The following MLLT10 variants were observed in gnomAD, a reference collection of about 807,000 sequenced individuals.
MLLT10 encodes MLLT10 histone lysine methyltransferase DOT1L cofactor.
Under a neutral mutation model 129.1 loss-of-function variants are expected in MLLT10, and 30 were observed. The observed-to-expected ratio is 0.23, with a 90% CI of 0.17 to 0.32. MLLT10 has a LOEUF of 0.32. Among genes scored for constraint, MLLT10 ranks in the 10% least tolerant of loss-of-function variants. MLLT10 has a pLI of 1.00. For synonymous variants in MLLT10, 490 were observed against 446.4 expected, an observed-to-expected ratio of 1.10 and a Z score of -1.23; for missense variants, 1,119 against 1,268.3, an observed-to-expected ratio of 0.88 and a Z score of 1.79.
chr10:21,708,725 A>G (rs1485207130), intron 13 of MLLT10: 1 of 985,198 alleles, frequency 1.0e-6, no homozygotes, highest in Non-Finnish European at 1.2e-6. Flanking sequence ...AATCACCACG[A>G]TTTTGCTTCT....
At chr10:21,708,788 T>G (rs1364057290) in intron 13 of MLLT10, 1 of 962,616 alleles carries the variant, frequency 1.0e-6, no homozygotes, top group Admixed American at 6.2e-5. Flanking sequence ...TAATTGCAAC[T>G]TTCAAAGTGT....
chr10:21,595,874 G>A (rs764692795), intron 5 of MLLT10, among the ~76,000 whole-genome samples: 5 of 151,518 alleles, frequency 3.3e-5, no homozygotes, highest in Non-Finnish European at 4.4e-5. Flanking sequence ...AAAGTTATTT[G>A]TACCCCAAGA....
At chr10:21,574,093 A>G (rs2040489063) in intron 3 of MLLT10, among the ~76,000 whole-genome samples, 1 of 152,204 alleles carries the variant, frequency 6.6e-6, no homozygotes, top group Non-Finnish European at 1.5e-5. Context: ...GAAGGAACTT[A>G]TCAGTGAAAA....
At chr10:21,612,286 TA>T in intron 5 of MLLT10, 61 bp from the exon 6 acceptor site, 1 of 1,001,202 alleles carries the variant, frequency 1.0e-6, no homozygotes. Flanking sequence ...AAGATAATTG[TA>T]AAATTCTGAT....
intron 3 of MLLT10, among the ~76,000 whole-genome samples, chr10:21,577,971 C>T (rs1368685735): frequency 2.0e-5 from 3 of 152,056 alleles, no homozygotes; most frequent in East Asian, 1.9e-4. Flanking sequence ...TCTTGGCTCA[C>T]GGCAACCTCT....
chr10:21,658,266 C>T (rs1209216758), intron 9 of MLLT10, among the ~76,000 whole-genome samples: 1 of 152,168 alleles, frequency 6.6e-6, no homozygotes, highest in African/African-American at 2.4e-5. Flanking sequence ...TCTCCTTCTC[C>T]CTGAGTTCAC....
At chr10:21,698,314 T>C (rs1402494379) in intron 13 of MLLT10, among the ~76,000 whole-genome samples, 2 of 152,198 alleles carry the variant, frequency 1.3e-5, no homozygotes, top group Non-Finnish European at 2.9e-5. Flanking sequence ...GTTGAGCACA[T>C]GTGGTATTTG....
At chr10:21,534,082 A>C (rs2130868318), upstream of MLLT10, 1 of 203,616 alleles carries the variant, frequency 4.9e-6, no homozygotes, top group Non-Finnish European at 9.7e-6. Context: ...CCTCGCGCCC[A>C]CCCCCAGCAC....
intron 9 of MLLT10, among the ~76,000 whole-genome samples, chr10:21,668,166 A>G (rs917458156): frequency 6.6e-6 from 1 of 152,150 alleles, no homozygotes; most frequent in African/African-American, 2.4e-5. Flanking sequence ...ATTATTATAT[A>G]CAAGAATTAC....
chr10:21,608,520 T>A (rs1442436802), intron 5 of MLLT10, among the ~76,000 whole-genome samples: 1 of 152,126 alleles, frequency 6.6e-6, no homozygotes, highest in African/African-American at 2.4e-5. Flanking sequence ...TTCATCTTAT[T>A]TTGAGTTTGT....
At chr10:21,681,561 C>T (rs753634081) in intron 12 of MLLT10, among the ~76,000 whole-genome samples, 185 bp downstream of exon 12, 3 of 152,190 alleles carry the variant, frequency 2.0e-5, no homozygotes, top group African/African-American at 4.8e-5. Context: ...ATCCATATTA[C>T]AGTCAAGTTG....
intron 13 of MLLT10, chr10:21,708,594 GAGT>G: frequency 3.0e-6 from 3 of 985,028 alleles, no homozygotes; most frequent in Non-Finnish European, 3.6e-6. Flanking sequence ...CCAGTAAACT[GAGT>G]ACCAGATATT....
At chr10:21,680,644 T>C (rs1275714326) in intron 11 of MLLT10, among the ~76,000 whole-genome samples, 1 of 152,164 alleles carries the variant, frequency 6.6e-6, no homozygotes, top group Non-Finnish European at 1.5e-5. Flanking sequence ...GTGAAAATAG[T>C]ATTCAAATGT....
At chr10:21,727,734 G>C (rs969338635) in intron 15 of MLLT10, 122 bp from the exon 16 acceptor site, 1 of 682,870 alleles carries the variant, frequency 1.5e-6, no homozygotes, top group African/African-American at 1.8e-5. Flanking sequence ...TTCTATTTTC[G>C]TGGGAACTGC....
At chr10:21,701,282 T>G (rs1290316455) in intron 13 of MLLT10, among the ~76,000 whole-genome samples, 1 of 144,510 alleles carries the variant, frequency 6.9e-6, no homozygotes, top group African/African-American at 2.6e-5. Flanking sequence ...TTCATTTCAT[T>G]GATTTTTTTT....
intron 6 of MLLT10, among the ~76,000 whole-genome samples, chr10:21,613,595 C>T (rs982301246): frequency 4.6e-5 from 7 of 152,146 alleles, no homozygotes; most frequent in African/African-American, 7.2e-5. Context: ...GAAACTTCAG[C>T]GTTTTGTGTT....
chr10:21,599,738 G>T (rs1446377587), intron 5 of MLLT10, among the ~76,000 whole-genome samples: 1 of 151,930 alleles, frequency 6.6e-6, no homozygotes, highest in Non-Finnish European at 1.5e-5. Flanking sequence ...TAAGTTTTTT[G>T]TATTTTTTTT....
chr10:21,738,345 C>T (rs2058550454), intron 21 of MLLT10: 1 of 1,192,684 alleles, frequency 8.4e-7, no homozygotes. Flanking sequence ...TTAATATGAG[C>T]ACTAAAACTC....
intron 13 of MLLT10, among the ~76,000 whole-genome samples, chr10:21,700,649 A>C (rs2054821722): frequency 6.6e-6 from 1 of 152,028 alleles, no homozygotes; most frequent in Admixed American, 6.5e-5. Flanking sequence ...TATTGATGTG[A>C]TACCTATTAT....
Sources: allele counts gnomAD v4.1 joint callset (sites outside exome capture counted in the v4.1 genomes callset), GRCh38; gene constraint gnomAD v4.1.1; transcripts MANE v1.5; gene names NCBI Gene and HGNC (gene_info 2026-07-23, HGNC 2026-07-21).